TMEM59L: variants seen among roughly 807,000 people sequenced by gnomAD.
TMEM59L encodes the protein transmembrane protein 59 like.
Under a neutral mutation model 39.6 loss-of-function variants are expected in TMEM59L, and 31 were observed. The observed-to-expected ratio is 0.78, with a 90% CI of 0.59 to 1.06. The LOEUF (loss-of-function observed/expected upper bound fraction) is 1.06. TMEM59L is among the 50% of genes least tolerant of loss of function. The probability of loss-of-function intolerance (pLI) is 0.00; values close to 1 mark genes in which losing one functional copy is unlikely to be tolerated. For missense variants in TMEM59L, 441 were observed against 451.3 expected, an observed-to-expected ratio of 0.98 and a Z score of 0.21; for synonymous variants, 219 against 202.9, an observed-to-expected ratio of 1.08 and a Z score of -0.68.
At chr19:18,617,416 G>C in intron 5 of TMEM59L, 1 of 496,542 alleles carries the variant, frequency 2.0e-6, no homozygotes, top group Non-Finnish European at 3.9e-6. Context: ...CCCGGGTTCC[G>C]TGGCCACCTC....
chr19:18,615,807 G>A (rs1976420809), intron 3 of TMEM59L, among the ~76,000 whole-genome samples, 168 bp from the exon 4 acceptor site: 1 of 152,088 alleles, frequency 6.6e-6, no homozygotes, highest in Non-Finnish European at 1.5e-5. Context: ...AGGGTTTCAC[G>A]ATGTTGTCCA....
At chr19:18,617,803 A>G (rs1976448041) in intron 5 of TMEM59L, 1 of 386,840 alleles carries the variant, frequency 2.6e-6, no homozygotes, top group African/African-American at 2.5e-5. Context: ...CCATGGGTTC[A>G]TCTCCTAAGG....
chr19:18,618,797 C>G (rs774084557), intron 7 of TMEM59L, among the ~76,000 whole-genome samples: 4 of 151,142 alleles, frequency 2.6e-5, no homozygotes, highest in Non-Finnish European at 4.4e-5. Context: ...TGGGTTCAAG[C>G]AATTCTCCTG....
chr19:18,614,077 C>A, intron 2 of TMEM59L, 27 bp from the exon 3 acceptor site: 2 of 1,612,558 alleles, frequency 1.2e-6, no homozygotes, highest in Non-Finnish European at 1.7e-6. Flanking sequence ...AGGGCCGTCC[C>A]CAGTCACCCG....
At chr19:18,613,722 T>G in intron 1 of TMEM59L, 150 bp from the exon 2 acceptor site, 1 of 630,822 alleles carries the variant, frequency 1.6e-6, no homozygotes, top group Non-Finnish European at 2.8e-6. Context: ...CCCCCACTAA[T>G]ATTTGTAGCC....
intron 3 of TMEM59L, 68 bp from the exon 4 acceptor site, chr19:18,615,907 C>A: frequency 6.4e-7 from 1 of 1,560,826 alleles, no homozygotes; most frequent in Non-Finnish European, 8.7e-7. Context: ...CACATCCTGC[C>A]CCCTCCCATT....
chr19:18,613,220 A>AGGAGACTT, intron 1 of TMEM59L, 91 bp downstream of exon 1: 1 of 1,048,042 alleles, frequency 9.5e-7, no homozygotes, highest in South Asian at 4.3e-5. Context: ...GGATGACAGC[A>AGGAGACTT]GGAGACTTTG....
intron 7 of TMEM59L, among the ~76,000 whole-genome samples, chr19:18,618,762 T>C (rs571430298): frequency 1.3e-5 from 2 of 150,516 alleles, no homozygotes; most frequent in East Asian, 3.9e-4. Flanking sequence ...TGGCACCATC[T>C]CGGCTCACTG....
chr19:18,618,704 A>T (rs7250237), intron 7 of TMEM59L, among the ~76,000 whole-genome samples: 104,598 of 138,772 alleles, frequency 0.75, 39,927 homozygotes, highest in Middle Eastern at 0.84. Context: ...ATATATATAT[A>T]TTTTTTTTGA....
At chr19:18,617,762 C>T in intron 5 of TMEM59L, 1 of 411,004 alleles carries the variant, frequency 2.4e-6, no homozygotes, top group East Asian at 6.7e-5. Context: ...TGTTCCATCT[C>T]CCAGGGTTCC....
chr19:18,615,968 T>C lies in TMEM59L; in HGVS notation c.409-7T>C. 6.2e-7 allele frequency: 1 copy of C among 1,612,832 alleles called. No homozygotes were observed. The highest frequency in any genetic ancestry group is 2.2e-5 in the East Asian group (1 of 44,834). On this transcript the variant is annotated splice_region_variant and splice_polypyrimidine_tract_variant and intron_variant, in intron 3 of 7. Coordinates refer to ENST00000262817, the MANE Select transcript of TMEM59L (RefSeq NM_012109.3). ...CCATCTTTGTGTCTTGGACCTTTTT[T>C]CACCAGAGAAAGGTCCTGGAGGCTC...
chr19:18,617,234 G>A, intron 5 of TMEM59L, 132 bp downstream of exon 5: 1 of 722,034 alleles, frequency 1.4e-6, no homozygotes, highest in Non-Finnish European at 2.5e-6. Context: ...TCATCCCCCA[G>A]GTCTCCATGG....
chr19:18,613,811 T>TC, intron 1 of TMEM59L, 61 bp from the exon 2 acceptor site: 2 of 1,344,964 alleles, frequency 1.5e-6, no homozygotes, highest in South Asian at 1.2e-5. Context: ...AATGCTCCGG[T>TC]CCCCCCACCC....
At chr19:18,619,973 TCACACACACACACA>T (rs57681167) in intron 7 of TMEM59L, among the ~76,000 whole-genome samples, 10,817 of 116,852 alleles carry the variant, frequency 0.093, 499 homozygotes, top group East Asian at 0.12. Context: ...GAAGACCCCA[TCACACACACACACA>T]CACACACACA....
At chr19:18,614,530 G>A (rs1976407675) in intron 3 of TMEM59L, among the ~76,000 whole-genome samples, 1 of 152,186 alleles carries the variant, frequency 6.6e-6, no homozygotes, top group Non-Finnish European at 1.5e-5. Context: ...TAGTGCCCAG[G>A]GGGCAACCTC....
intron 7 of TMEM59L, among the ~76,000 whole-genome samples, chr19:18,619,496 C>G (rs2145351872): frequency 6.6e-6 from 1 of 152,168 alleles, no homozygotes; most frequent in Middle Eastern, 3.4e-3. Flanking sequence ...CTTGTCACTA[C>G]AAATCATTTA....
chr19:18,616,889 A>C (rs1976433529), intron 4 of TMEM59L, 111 bp from the exon 5 acceptor site: 2 of 784,584 alleles, frequency 2.5e-6, no homozygotes, highest in South Asian at 3.3e-5. Flanking sequence ...CCTGATACCC[A>C]GGGGAACTGG....
Position 18,617,154 on chromosome 19 carries a change from A to G in TMEM59L, c.664+52A>G, listed in dbSNP as rs1600666186. On this transcript the variant is annotated intron_variant, in intron 5 of 7. Coordinates refer to ENST00000262817, the MANE Select transcript of TMEM59L (RefSeq NM_012109.3). Reference sequence around the variant, plus strand: ...CTTCCATGGGTGGCCCCACTGCCACAAGGAGTCGGCCTGGCAAACAGACCT... The same window carrying G: ...CTTCCATGGGTGGCCCCACTGCCACGAGGAGTCGGCCTGGCAAACAGACCT... 7 of 1,419,914 alleles carry G rather than the reference A, an allele frequency of 4.9e-6. No individual in the cohort carries two copies. The East Asian group carries it at 1.6e-4, about 32-fold the overall frequency. 88.0% of individuals were successfully genotyped at this position (1,419,914 alleles called of 1,614,324 possible).
chr19:18,618,027 T>A (rs935469324), intron 5 of TMEM59L, 128 bp from the exon 6 acceptor site: 14 of 728,420 alleles, frequency 1.9e-5, no homozygotes, highest in Non-Finnish European at 2.9e-5. Flanking sequence ...CTGTGGTCCA[T>A]CTCCCAGGGC....
Sources: allele counts gnomAD v4.1 joint callset (sites outside exome capture counted in the v4.1 genomes callset), GRCh38; gene constraint gnomAD v4.1.1; transcripts MANE v1.5; gene names NCBI Gene and HGNC (gene_info 2026-07-23, HGNC 2026-07-21).